GMCL1: variants seen among roughly 807,000 people sequenced by gnomAD.
The protein encoded by GMCL1 is germ cell-less protein-like 1.
GMCL1 carries 54 observed loss-of-function variants against 75.5 expected under a neutral mutation model. The ratio of observed to expected loss-of-function variants is 0.71; its 90% CI spans 0.57 to 0.90. The LOEUF is 0.90. Ranked by LOEUF, GMCL1 falls within the 40% of genes least tolerant of loss-of-function variation. The probability of loss-of-function intolerance (pLI) is 0.00; values close to 1 mark genes in which losing one functional copy is unlikely to be tolerated. For missense variants in GMCL1, 537 were observed against 622.7 expected, an observed-to-expected ratio of 0.86 and a Z score of 1.47; for synonymous variants, 210 against 209.6, an observed-to-expected ratio of 1.00 and a Z score of -0.02.
intron 8 of GMCL1, among the ~76,000 whole-genome samples, chr2:69,852,544 C>CTGTTT (rs1553371414): frequency 2.1e-4 from 31 of 147,746 alleles, no homozygotes; most frequent in Non-Finnish European, 2.4e-4. Context: ...GTCTGTCTGT[C>CTGTTT]TTTTTTTTTT....
intron 6 of GMCL1, among the ~76,000 whole-genome samples, chr2:69,846,295 AC>A (rs1675143338): frequency 6.6e-6 from 1 of 152,212 alleles, no homozygotes; most frequent in African/African-American, 2.4e-5. Context: ...TGTGGATTCT[AC>A]CAACTGCCGA....
rs143981845 is a variant in GMCL1, at chr2:69,876,722, C to T, written c.1453-2187C>T. ...CCAAATTGCAGGCTTGGCGTGGTAG[C>T]TCATGCCTGTAATCCCAGCACTTTG... On this transcript the variant is annotated intron_variant, in intron 13 of 13. Transcript: ENST00000282570. Among the ~76,000 whole-genome samples, 684 of 152,308 alleles carry T rather than the reference C, an allele frequency of 4.5e-3. 6 individuals are homozygous for T. Among genetic ancestry groups the T allele is most frequent in the African/African-American group, 0.014 (588 of 41,562 alleles).
At chr2:69,858,984 A>G (rs1209969399) in intron 9 of GMCL1, among the ~76,000 whole-genome samples, 3 of 151,724 alleles carry the variant, frequency 2.0e-5, no homozygotes, top group Non-Finnish European at 4.4e-5. Flanking sequence ...CGTCTCTACT[A>G]AAATACAAAA....
At chr2:69,840,397 G>T (rs988168456) in intron 3 of GMCL1, among the ~76,000 whole-genome samples, 1 of 150,862 alleles carries the variant, frequency 6.6e-6, no homozygotes, top group African/African-American at 2.4e-5. Context: ...GCGACAGAGC[G>T]AGACTCCATC....
At chr2:69,843,787 T>G (rs1308907633) in intron 5 of GMCL1, among the ~76,000 whole-genome samples, 1 of 152,184 alleles carries the variant, frequency 6.6e-6, no homozygotes, top group African/African-American at 2.4e-5. Flanking sequence ...TAAAATTGTT[T>G]AAGAAGTAGG....
chr2:69,851,288 A>G (rs922563751), intron 8 of GMCL1, among the ~76,000 whole-genome samples: 1 of 151,934 alleles, frequency 6.6e-6, no homozygotes, highest in Non-Finnish European at 1.5e-5. Context: ...AGTTTAAAGA[A>G]TTAGCAGGGC....
Position 69,879,138 on chromosome 2 carries a change from A to G in GMCL1, c.*134A>G, listed in dbSNP as rs1233441680. ...TTCACATCGAAGGTGACTAACAATG[A>G]CAAAGGCCTTATGAACTGTACAGAC... On this transcript the variant is annotated 3_prime_UTR_variant, in exon 14 of 14. Coordinates refer to ENST00000282570, the MANE Select transcript of GMCL1 (RefSeq NM_178439.5). 11 of 624,438 alleles carry G rather than the reference A, an allele frequency of 1.8e-5. No homozygotes were observed. The Admixed American group carries it at 3.2e-4, about 18-fold the overall frequency. The allele number at this position is 624,438 out of a possible 1,614,324, so 38.7% of individuals were successfully genotyped here. A position where few individuals can be genotyped will look rare whatever the true frequency, so the allele number is the denominator to read the frequency against.
At chr2:69,876,847 G>A (rs1676141459) in intron 13 of GMCL1, among the ~76,000 whole-genome samples, 1 of 152,118 alleles carries the variant, frequency 6.6e-6, no homozygotes, top group South Asian at 2.1e-4. Flanking sequence ...AAATTAGCCG[G>A]GCGTGGTGGC....
intron 12 of GMCL1, among the ~76,000 whole-genome samples, chr2:69,870,948 A>G (rs1456506954): frequency 6.6e-6 from 1 of 152,224 alleles, no homozygotes; most frequent in African/African-American, 2.4e-5. Context: ...TGGCACAGCC[A>G]CTATGGAGCA....
intron 12 of GMCL1, among the ~76,000 whole-genome samples, chr2:69,870,251 A>G (rs963298123): frequency 9.2e-5 from 14 of 151,852 alleles, no homozygotes; most frequent in African/African-American, 2.9e-4. Flanking sequence ...GTTGCTGGCA[A>G]TCTTTTTCTG....
In GMCL1 at chr2:69,835,827, G is replaced by A. The variant is rs545152420; in HGVS notation, c.261-1720G>A. ...GGCTGTGGTGCTCTAAGTTCAGATGGTATCCTGAACTGGTGAATTTCACAC... is the reference window on the plus strand; with the variant it reads ...GGCTGTGGTGCTCTAAGTTCAGATGATATCCTGAACTGGTGAATTTCACAC... On this transcript the variant is annotated intron_variant, in intron 1 of 13. Transcript: ENST00000282570. Among the ~76,000 whole-genome samples, 10 of 152,278 alleles carry A rather than the reference G, an allele frequency of 6.6e-5. No homozygotes were observed. In the South Asian group the frequency reaches 1.9e-3, roughly 28 times the overall value.
At chr2:69,874,261 G>A (rs1172296766) in intron 13 of GMCL1, among the ~76,000 whole-genome samples, 1 of 152,036 alleles carries the variant, frequency 6.6e-6, no homozygotes, top group East Asian at 1.9e-4. Context: ...CTTCCCCCTG[G>A]CAGCAGTACA....
At chr2:69,863,524 C>T (rs975645411) in intron 10 of GMCL1, among the ~76,000 whole-genome samples, 28 of 152,154 alleles carry the variant, frequency 1.8e-4, no homozygotes, top group African/African-American at 6.5e-4. Flanking sequence ...TGTCACTTCT[C>T]TACTTAAATA....
chr2:69,841,923 G>T (rs1674999538), intron 4 of GMCL1, among the ~76,000 whole-genome samples: 1 of 152,152 alleles, frequency 6.6e-6, no homozygotes, highest in Non-Finnish European at 1.5e-5. Flanking sequence ...ATAAACATAA[G>T]AAGGATTGCA....
intron 13 of GMCL1, among the ~76,000 whole-genome samples, chr2:69,875,727 G>A (rs1384149437): frequency 6.8e-6 from 1 of 146,986 alleles, no homozygotes; most frequent in East Asian, 2.0e-4. Context: ...ACGGAGTCTT[G>A]TTCTGTCGCC....
chr2:69,873,945 CCTT>C (rs2104061657), intron 13 of GMCL1: 1 of 142,844 alleles, frequency 7.0e-6, no homozygotes. Context: ...GTAATTGTAA[CCTT>C]TTTTTTTTTT....
chr2:69,854,038 C>T (rs1296827113), intron 8 of GMCL1, among the ~76,000 whole-genome samples: 1 of 151,972 alleles, frequency 6.6e-6, no homozygotes, highest in Non-Finnish European at 1.5e-5. Flanking sequence ...CTCCTGACCT[C>T]GTGATCCACC....
chr2:69,830,426 G>A (rs1022581316), intron 1 of GMCL1, among the ~76,000 whole-genome samples: 1 of 152,212 alleles, frequency 6.6e-6, no homozygotes, highest in Non-Finnish European at 1.5e-5. Context: ...CCGAGCTCGC[G>A]TCTCGTTAAA....
At position 69,845,847 on chromosome 2, in the gene GMCL1, C is replaced by G. The variant is rs77434137; in HGVS notation, c.758+1651C>G. On this transcript the variant is annotated intron_variant, in intron 6 of 13. Coordinates refer to ENST00000282570, the MANE Select transcript of GMCL1 (RefSeq NM_178439.5). Reference sequence around the variant, plus strand: ...GGCTTGCATTTCCCTGACAGCAGTGCTTCTGAGACAAGGATACAAATGTGT... The same window carrying G: ...GGCTTGCATTTCCCTGACAGCAGTGGTTCTGAGACAAGGATACAAATGTGT... 3.8e-3 allele frequency among the ~76,000 whole-genome samples: 573 copies of G among 152,208 alleles called. 3 individuals carry two copies. Among genetic ancestry groups the G allele is most frequent in the African/African-American group, 0.013 (549 of 41,520 alleles).
Sources: gnomAD v4.1 joint callset for allele counts (sites outside exome capture counted in the v4.1 genomes callset) on GRCh38, gnomAD v4.1.1 for gene constraint, MANE v1.5 for transcripts, NCBI Gene and HGNC (gene_info 2026-07-23, HGNC 2026-07-21) for gene names.